Variants in CNTNAP5 observed in about 807,000 individuals in gnomAD.
The protein encoded by CNTNAP5 is contactin-associated protein-like 5.
In CNTNAP5, 72 loss-of-function variants were observed where a neutral mutation model predicts 150.2. The observed-to-expected ratio is 0.48, with a 90% CI of 0.40 to 0.58. The LOEUF is 0.58. Ranked by LOEUF, CNTNAP5 falls within the 20% of genes least tolerant of loss-of-function variation. The probability of loss-of-function intolerance (pLI) is 0.00; values close to 1 mark genes in which losing one functional copy is unlikely to be tolerated. For synonymous variants in CNTNAP5, 672 were observed against 619.8 expected, an observed-to-expected ratio of 1.08 and a Z score of -1.25; for missense variants, 1,636 against 1,626.2, an observed-to-expected ratio of 1.01 and a Z score of -0.10.
intron 3 of CNTNAP5, among the ~76,000 whole-genome samples, chr2:124,300,925 GA>G (rs1688556683): frequency 6.6e-6 from 1 of 152,270 alleles, no homozygotes; most frequent in Non-Finnish European, 1.5e-5. Context: ...AAGCATTCTA[GA>G]TATAATGTAT....
At chr2:124,478,076 C>T (rs954194326) in intron 7 of CNTNAP5, among the ~76,000 whole-genome samples, 2 of 151,390 alleles carry the variant, frequency 1.3e-5, no homozygotes, top group African/African-American at 4.9e-5. Context: ...TAAAAAATAT[C>T]TTTAACGATA....
chr2:124,180,391 A>T (rs1685181390), intron 1 of CNTNAP5, among the ~76,000 whole-genome samples: 1 of 152,214 alleles, frequency 6.6e-6, no homozygotes, highest in Non-Finnish European at 1.5e-5. Flanking sequence ...GAAATATCAA[A>T]GTTAATATTT....
At chr2:124,784,281 G>A (rs774843958) in intron 17 of CNTNAP5, among the ~76,000 whole-genome samples, 2 of 152,156 alleles carry the variant, frequency 1.3e-5, no homozygotes, top group Non-Finnish European at 2.9e-5. Flanking sequence ...CAGTTTTGCT[G>A]GAGCATGTGC....
At chr2:124,205,085 C>G (rs977160531) in intron 1 of CNTNAP5, among the ~76,000 whole-genome samples, 1 of 152,150 alleles carries the variant, frequency 6.6e-6, no homozygotes, top group Non-Finnish European at 1.5e-5. Context: ...TACACCCAAT[C>G]CTAAGTTGGA....
intron 5 of CNTNAP5, among the ~76,000 whole-genome samples, chr2:124,443,823 TGTG>T (rs1486890593): frequency 2.6e-5 from 4 of 151,042 alleles, no homozygotes; most frequent in Non-Finnish European, 4.4e-5. Context: ...CGTGTGTGTG[TGTG>T]TGTGTGTGTG....
intron 21 of CNTNAP5, among the ~76,000 whole-genome samples, chr2:124,893,442 T>C (rs1378469434): frequency 1.3e-5 from 2 of 152,168 alleles, no homozygotes; most frequent in Non-Finnish European, 2.9e-5. Flanking sequence ...ACTATGGTAG[T>C]TCCATGACCT....
At chr2:124,733,147 AAC>A (rs200087712) in intron 13 of CNTNAP5, among the ~76,000 whole-genome samples, 26 of 151,098 alleles carry the variant, frequency 1.7e-4, no homozygotes, top group Admixed American at 1.1e-3. Context: ...GTATATTCTA[AAC>A]ACACACACAC....
chr2:124,865,316 G>T lies in CNTNAP5; in HGVS notation c.3228G>T (p.Gln1076His). 1 of 1,562,310 alleles carries T rather than the reference G, an allele frequency of 6.4e-7. No individual in the cohort carries two copies. The highest frequency in any genetic ancestry group is 8.7e-7 in the Non-Finnish European group (1 of 1,151,936). The change falls in exon 20 of 24, where the codon CAG (glutamine) becomes CAT (histidine). Residue 1076 changes from glutamine (Q) to histidine (H), a missense_variant. Gln to His is a conservative substitution (Grantham distance 24). Coordinates refer to ENST00000682447, the MANE Select transcript of CNTNAP5 (RefSeq NM_001367498.1). ...VVLLCKNGSL[Q>H]VRYHLNKEET... is the part of the protein sequence containing the mutation. Reference sequence around the variant, plus strand: ...TATTTTTCTTTCAAGGAAGCTTACAGGTTCGCTATCACCTAAACAAGGAAG... The same window carrying T: ...TATTTTTCTTTCAAGGAAGCTTACATGTTCGCTATCACCTAAACAAGGAAG...
intron 21 of CNTNAP5, among the ~76,000 whole-genome samples, chr2:124,879,890 G>A (rs1397727979): frequency 6.6e-6 from 1 of 152,136 alleles, no homozygotes; most frequent in Non-Finnish European, 1.5e-5. Context: ...CAAGCTAAGA[G>A]TAATGAACTC....
At chr2:124,165,332 C>T (rs1021356775) in intron 1 of CNTNAP5, among the ~76,000 whole-genome samples, 4 of 152,114 alleles carry the variant, frequency 2.6e-5, no homozygotes, top group African/African-American at 7.2e-5. Flanking sequence ...CCATTTCACA[C>T]GATTGTTTTG....
chr2:124,863,772 G>A (rs918556200), intron 19 of CNTNAP5, among the ~76,000 whole-genome samples: 1 of 152,154 alleles, frequency 6.6e-6, no homozygotes, highest in African/African-American at 2.4e-5. Flanking sequence ...GGCAGTCTGG[G>A]AAAGATGGGC....
At chr2:124,495,058 T>C (rs1235443070) in intron 7 of CNTNAP5, among the ~76,000 whole-genome samples, 1 of 152,200 alleles carries the variant, frequency 6.6e-6, no homozygotes, top group Non-Finnish European at 1.5e-5. Flanking sequence ...TTTATATGGG[T>C]ATATTTCACC....
chr2:124,416,422 T>C (rs1691918907), intron 3 of CNTNAP5, among the ~76,000 whole-genome samples: 1 of 152,106 alleles, frequency 6.6e-6, no homozygotes, highest in South Asian at 2.1e-4. Flanking sequence ...ATTCATGTTG[T>C]TCACATCCAA....
intron 6 of CNTNAP5, among the ~76,000 whole-genome samples, chr2:124,456,696 A>G (rs1453094597): frequency 6.6e-6 from 1 of 152,218 alleles, no homozygotes; most frequent in Non-Finnish European, 1.5e-5. Context: ...CCAAAACAGC[A>G]TGGTACTGGA....
intron 1 of CNTNAP5, among the ~76,000 whole-genome samples, chr2:124,169,191 T>C (rs1473220273): frequency 6.6e-6 from 1 of 152,098 alleles, no homozygotes; most frequent in Admixed American, 6.6e-5. Flanking sequence ...GGGGCAAAAC[T>C]GAAGAGAACC....
chr2:124,552,478 G>A (rs762643431), intron 10 of CNTNAP5, among the ~76,000 whole-genome samples: 2 of 152,046 alleles, frequency 1.3e-5, no homozygotes, highest in Non-Finnish European at 2.9e-5. Flanking sequence ...ATCTTCTTTT[G>A]TCCAGCTGGT....
intron 10 of CNTNAP5, among the ~76,000 whole-genome samples, chr2:124,530,206 A>G (rs569981719): frequency 6.6e-6 from 1 of 152,308 alleles, no homozygotes; most frequent in South Asian, 2.1e-4. Context: ...GCTACTTGGG[A>G]GGCTGAGACA....
chr2:124,415,922 A>G (rs1267445446), intron 3 of CNTNAP5, among the ~76,000 whole-genome samples: 3 of 152,210 alleles, frequency 2.0e-5, no homozygotes, highest in Admixed American at 1.3e-4. Flanking sequence ...AAACCCCCCA[A>G]TAATTTTCAG....
chr2:124,306,727 T>C (rs1398646474), intron 3 of CNTNAP5, among the ~76,000 whole-genome samples: 1 of 142,642 alleles, frequency 7.0e-6, no homozygotes, highest in Non-Finnish European at 1.5e-5. Context: ...TTCTTTTTTT[T>C]TTTTTTTTTT....
Sources: gnomAD v4.1 joint callset for allele counts (sites outside exome capture counted in the v4.1 genomes callset) on GRCh38, gnomAD v4.1.1 for gene constraint, MANE v1.5 for transcripts, NCBI Gene and HGNC (gene_info 2026-07-23, HGNC 2026-07-21) for gene names.